The following ADAMTSL1 variants were observed in gnomAD, a reference collection of about 807,000 sequenced individuals.
ADAMTSL1 encodes the protein ADAMTS-like protein 1.
A neutral mutation model predicts 201.8 loss-of-function variants in ADAMTSL1; 126 were observed. The observed-to-expected ratio is 0.62, with a 90% CI of 0.54 to 0.72. The LOEUF (loss-of-function observed/expected upper bound fraction) is 0.72, where lower values mean the gene tolerates loss of function less well. Ranked by LOEUF, ADAMTSL1 falls within the 30% of genes least tolerant of loss-of-function variation. ADAMTSL1 has a pLI of 0.00. For missense variants in ADAMTSL1, 2,679 were observed against 2,277.8 expected (o/e 1.18, Z -3.59); for synonymous variants, 1,121 against 903.4 (o/e 1.24, Z -4.32).
At chr9:18,600,768 G>C (rs1824596830) in intron 4 of ADAMTSL1, among the ~76,000 whole-genome samples, 1 of 151,704 alleles carries the variant, frequency 6.6e-6, no homozygotes, top group African/African-American at 2.4e-5. Flanking sequence ...GAACATTTGA[G>C]GTAAAGAGCA....
chr9:18,620,536 C>T (rs965580680), intron 4 of ADAMTSL1, among the ~76,000 whole-genome samples: 2 of 152,334 alleles, frequency 1.3e-5, no homozygotes, highest in South Asian at 4.1e-4. Context: ...AACTGATCAG[C>T]TCATGGGCGG....
intron 2 of ADAMTSL1, among the ~76,000 whole-genome samples, chr9:18,175,297 C>G (rs935860749): frequency 6.6e-6 from 1 of 152,154 alleles, no homozygotes; most frequent in Admixed American, 6.5e-5. Context: ...TCTTAGAGTT[C>G]TTCCTAGTAG....
intron 5 of ADAMTSL1, among the ~76,000 whole-genome samples, chr9:18,629,985 T>TTTTG (rs955860576): frequency 6.6e-6 from 1 of 152,192 alleles, no homozygotes; most frequent in Non-Finnish European, 1.5e-5. Flanking sequence ...GTGCTGTTTT[T>TTTTG]TTTGTTTGTT....
At chr9:18,575,678 T>C (rs1891043) in intron 4 of ADAMTSL1, among the ~76,000 whole-genome samples, 14,501 of 152,140 alleles carry the variant, frequency 0.095, 1,988 homozygotes, top group African/African-American at 0.31. Flanking sequence ...TCCCTATGTA[T>C]GTATACTGTT....
intron 19 of ADAMTSL1, among the ~76,000 whole-genome samples, chr9:18,783,462 C>T (rs1215692042): frequency 6.6e-6 from 1 of 152,172 alleles, no homozygotes; most frequent in Non-Finnish European, 1.5e-5. Context: ...ACTCTGAAGC[C>T]AGATTCAAGG....
chr9:18,904,809 G>C (rs10963830), intron 26 of ADAMTSL1, among the ~76,000 whole-genome samples: 1 of 141,454 alleles, frequency 7.1e-6, no homozygotes, highest in South Asian at 2.3e-4. Context: ...GGGCCCTTCA[G>C]AGTCCAGAAG....
chr9:18,563,853 C>T (rs1446675346), intron 3 of ADAMTSL1, among the ~76,000 whole-genome samples: 1 of 152,164 alleles, frequency 6.6e-6, no homozygotes, highest in African/African-American at 2.4e-5. Flanking sequence ...ATGGTGGACG[C>T]CCCTACCCCC....
In ADAMTSL1 at chr9:18,785,403, C is replaced by T. The variant is rs75160717; in HGVS notation, c.3677+7497C>T. On this transcript the variant is annotated intron_variant, in intron 19 of 28. Transcript: ENST00000380548. ...ATAACTGCTTTAAAGATAGCCTTTT[C>T]TTCTACTGATAGCGCTACCTTTATA... is the stretch of plus-strand genomic sequence containing the variant. 6.1e-3 allele frequency among the ~76,000 whole-genome samples: 933 copies of T among 152,274 alleles called. 6 individuals are homozygous for T. Among genetic ancestry groups the T allele is most frequent in the Admixed American group, 0.011 (169 of 15,288 alleles).
At chr9:18,329,399 A>AT (rs1345560832) in intron 2 of ADAMTSL1, among the ~76,000 whole-genome samples, 4 of 152,224 alleles carry the variant, frequency 2.6e-5, no homozygotes, top group Non-Finnish European at 5.9e-5. Context: ...TCTCATGGAT[A>AT]TAAGTGGAAG....
intron 15 of ADAMTSL1, among the ~76,000 whole-genome samples, chr9:18,740,366 C>T (rs1818750805): frequency 6.6e-6 from 1 of 151,966 alleles, no homozygotes; most frequent in Non-Finnish European, 1.5e-5. Context: ...CACCCGCACC[C>T]ACCCCTACAT....
At chr9:18,125,433 A>G (rs977386514) in intron 1 of ADAMTSL1, among the ~76,000 whole-genome samples, 5 of 152,298 alleles carry the variant, frequency 3.3e-5, no homozygotes, top group Admixed American at 3.3e-4. Context: ...CCATATCAGA[A>G]GTCCAATTTA....
At chr9:18,768,389 A>G (rs1820484257) in intron 16 of ADAMTSL1, among the ~76,000 whole-genome samples, 1 of 151,112 alleles carries the variant, frequency 6.6e-6, no homozygotes, top group Admixed American at 6.6e-5. Context: ...GTTGCAATGA[A>G]TGGCAATAAA....
intron 1 of ADAMTSL1, among the ~76,000 whole-genome samples, chr9:18,030,643 G>C (rs1233439192): frequency 1.3e-5 from 2 of 152,106 alleles, no homozygotes; most frequent in African/African-American, 4.8e-5. Flanking sequence ...TTTTTGTACA[G>C]TATGTCACAG....
intron 2 of ADAMTSL1, among the ~76,000 whole-genome samples, chr9:18,361,054 G>A (rs1314630231): frequency 6.6e-6 from 1 of 152,124 alleles, no homozygotes; most frequent in Non-Finnish European, 1.5e-5. Flanking sequence ...TGAGCCCGTT[G>A]GAATGCAGGA....
intron 2 of ADAMTSL1, among the ~76,000 whole-genome samples, chr9:18,221,772 A>T (rs987499392): frequency 1.3e-5 from 2 of 151,954 alleles, no homozygotes; most frequent in Non-Finnish European, 2.9e-5. Flanking sequence ...TTGTTGCTGC[A>T]GTGTTCTATA....
intron 2 of ADAMTSL1, among the ~76,000 whole-genome samples, chr9:18,335,750 G>A (rs1835210930): frequency 6.6e-6 from 1 of 152,110 alleles, no homozygotes; most frequent in South Asian, 2.1e-4. Context: ...TATTAGTGCT[G>A]TTAGATTTTG....
chr9:18,535,534 C>T (rs1197562213), intron 3 of ADAMTSL1, among the ~76,000 whole-genome samples: 1 of 152,188 alleles, frequency 6.6e-6, no homozygotes, highest in African/African-American at 2.4e-5. Flanking sequence ...TCTAAAGTCA[C>T]TTCCACATTT....
chr9:18,784,810 G>A (rs1563799105), intron 19 of ADAMTSL1, among the ~76,000 whole-genome samples: 2 of 152,116 alleles, frequency 1.3e-5, no homozygotes, highest in African/African-American at 2.4e-5. Context: ...CAATTTTACC[G>A]ATATTGGAGT....
intron 4 of ADAMTSL1, among the ~76,000 whole-genome samples, chr9:18,618,606 C>T (rs912002097): frequency 2.0e-5 from 3 of 151,624 alleles, no homozygotes; most frequent in South Asian, 2.1e-4. Flanking sequence ...AGATGCAATC[C>T]GTCCAAGTGC....
Sources: allele counts gnomAD v4.1 joint callset (sites outside exome capture counted in the v4.1 genomes callset), GRCh38; gene constraint gnomAD v4.1.1; transcripts MANE v1.5; gene names NCBI Gene and HGNC (gene_info 2026-07-23, HGNC 2026-07-21).